DAPK2: variants seen among roughly 807,000 people sequenced by gnomAD.
DAPK2 encodes death associated protein kinase 2, also known as death-associated protein kinase 2.
DAPK2 carries 35 observed loss-of-function variants against 44.1 expected under a neutral mutation model. That is an observed-to-expected ratio of 0.79 (90% CI 0.61 to 1.05). DAPK2 has a LOEUF of 1.05. Ranked by LOEUF, DAPK2 falls within the 50% of genes least tolerant of loss-of-function variation. The pLI is 0.00. For synonymous variants in DAPK2, 174 were observed against 182.6 expected (o/e 0.95, Z 0.38); for missense variants, 453 against 483.2 (o/e 0.94, Z 0.59).
rs1370883463 is a variant in DAPK2 at position 63,912,686 on chromosome 15, C to T, written c.859-489G>A. Among the ~76,000 whole-genome samples, 3 of 152,324 alleles carry T rather than the reference C, an allele frequency of 2.0e-5. No homozygotes were observed. The highest frequency in any genetic ancestry group is 4.8e-5 in the African/African-American group (2 of 41,568). The stretch of plus-strand genomic sequence containing the variant: ...CAGGATGTGCAGTTGCTTTTCACAG[C>T]CTGGCAGTCAGAGCTCAGCTTAAAT... On this transcript the variant is annotated intron_variant, in intron 8 of 10. Transcript: ENST00000261891. The surrounding 1 kb of genome is among the most constrained non-coding windows in gnomAD (Gnocchi z 4.4).
At chr15:63,985,163 G>C (rs1567253019) in intron 1 of DAPK2, among the ~76,000 whole-genome samples, 3 of 151,862 alleles carry the variant, frequency 2.0e-5, no homozygotes. Flanking sequence ...TGGAGCTCTA[G>C]GGAAAGAGAA....
At chr15:63,964,452 C>T (rs1055601627) in intron 3 of DAPK2, among the ~76,000 whole-genome samples, 2 of 152,088 alleles carry the variant, frequency 1.3e-5, no homozygotes, top group Non-Finnish European at 2.9e-5. Context: ...GTTTAACCTT[C>T]TTTGTGTTCT....
In DAPK2 at chr15:63,980,400, T is replaced by C. The variant is rs1442559686; in HGVS notation, c.314+3133A>G. ...ATCAATTTATAGCTATAAAGATCAA[T>C]AAATAATGAAACACGTTTCAAAACA... On this transcript the variant is annotated intron_variant, in intron 2 of 10. Coordinates refer to ENST00000261891, the Ensembl canonical transcript of DAPK2. The surrounding 1 kb of genome is among the most constrained non-coding windows in gnomAD (Gnocchi z 4.3). 6.6e-6 allele frequency among the ~76,000 whole-genome samples: 1 copy of C among 152,168 alleles called. No homozygotes were observed.
At chr15:64,035,037 G>A (rs376166412) in intron 1 of DAPK2, among the ~76,000 whole-genome samples, 26 of 151,974 alleles carry the variant, frequency 1.7e-4, no homozygotes, top group African/African-American at 5.3e-4. Flanking sequence ...GCATGGTGGC[G>A]TGTGCCTGTA....
At chr15:64,043,928 C>T (rs1209017014), upstream of DAPK2, among the ~76,000 whole-genome samples, 1 of 152,200 alleles carries the variant, frequency 6.6e-6, no homozygotes, top group Non-Finnish European at 1.5e-5. Context: ...GTTCCCCAGC[C>T]TCCTTTCTCA....
intron 6 of DAPK2, chr15:63,928,600 G>A (rs1438664012): frequency 6.6e-6 from 1 of 152,110 alleles, no homozygotes; most frequent in African/African-American, 2.4e-5. Flanking sequence ...CACACCCATG[G>A]CAGGAAGTTT....
intron 3 of DAPK2, among the ~76,000 whole-genome samples, chr15:63,959,568 CTGTTGAATTT>C (rs900490072): frequency 1.3e-5 from 2 of 152,128 alleles, no homozygotes; most frequent in African/African-American, 4.8e-5. Context: ...GCATGAAGGG[CTGTTGAATTT>C]TGTTGAGGGC....
chr15:63,971,543 G>C (rs984542192), exon 3 of DAPK2: 3 of 1,614,144 alleles, frequency 1.9e-6, no homozygotes, highest in Non-Finnish European at 2.5e-6. Context: ...GGAAATCGAA[G>C]AGCTCTCCTC....
chr15:64,005,929 G>A (rs1445168834), intron 1 of DAPK2, among the ~76,000 whole-genome samples: 1 of 151,886 alleles, frequency 6.6e-6, no homozygotes, highest in Non-Finnish European at 1.5e-5. Flanking sequence ...AGCTACTTGG[G>A]AGGCTGAGGT....
At chr15:64,023,254 T>C (rs1159844941) in intron 1 of DAPK2, among the ~76,000 whole-genome samples, 1 of 152,160 alleles carries the variant, frequency 6.6e-6, no homozygotes, top group East Asian at 1.9e-4. Flanking sequence ...GGCAGGCTTC[T>C]GGGAGGAAGC....
At chr15:63,976,693 C>T (rs1031294214) in intron 2 of DAPK2, among the ~76,000 whole-genome samples, 2 of 152,100 alleles carry the variant, frequency 1.3e-5, no homozygotes, top group Non-Finnish European at 1.5e-5. Context: ...GAGTGAGAAT[C>T]GGTCTCAAAA....
At position 64,025,865 on chromosome 15, in the gene DAPK2, C is replaced by G. The variant is rs561147696; in HGVS notation, c.92+14305G>C. Among the ~76,000 whole-genome samples the G allele has an allele frequency of 6.6e-5, 10 of 152,238 alleles. No individual in the cohort carries two copies. The South Asian group carries it at 1.7e-3, about 25-fold the overall frequency. ...TATGGATATTGCGGGGGATGGATAA[C>G]ATTTTGCTTAATTGGGGTCTAAAGT... On this transcript the variant is annotated intron_variant, in intron 1 of 10. Coordinates refer to ENST00000261891, the Ensembl canonical transcript of DAPK2.
Position 64,046,201 on chromosome 15 carries a change from G to A in DAPK2, c.-7+97C>T, listed in dbSNP as rs1006081314. 1.0e-4 allele frequency: 43 copies of A among 422,910 alleles called. No individual in the cohort carries two copies. The highest frequency in any genetic ancestry group is 1.2e-4 in the Non-Finnish European group (39 of 315,114). The allele number at this position is 422,910 out of a possible 1,614,324, so 26.2% of individuals were successfully genotyped here. The stretch of plus-strand genomic sequence containing the variant: ...CCCGGGATCTGCGAGCGAGTGCCCC[G>A]GATCTCTTCGCCCCGCCAGCCCCAG... On this transcript the variant is annotated intron_variant, in intron 1 of 11. Transcript: ENST00000457488. The surrounding 1 kb of genome is among the most constrained non-coding windows in gnomAD (Gnocchi z 5.3).
At chr15:63,937,192 G>T (rs577514310) in intron 4 of DAPK2, among the ~76,000 whole-genome samples, 6 of 152,138 alleles carry the variant, frequency 3.9e-5, no homozygotes, top group African/African-American at 1.4e-4. Flanking sequence ...AGAGGTTGGA[G>T]AAGTCATCTT....
intron 3 of DAPK2, among the ~76,000 whole-genome samples, chr15:63,961,642 T>G (rs906735415): frequency 2.0e-5 from 3 of 152,260 alleles, no homozygotes; most frequent in African/African-American, 7.2e-5. Context: ...TTGAAAATTC[T>G]TTTCTTTAAG....
In DAPK2 at chr15:63,990,241, C is replaced by T. The variant is rs1167813481; in HGVS notation, c.93-6487G>A. Among the ~76,000 whole-genome samples the T allele has an allele frequency of 1.0e-5, 1 of 100,414 alleles. No individual in the cohort carries two copies. Among genetic ancestry groups the T allele is most frequent in the Non-Finnish European group, 2.5e-5 (1 of 39,280 alleles). The allele number at this position is 100,414 out of a possible 152,430, so 65.9% of individuals were successfully genotyped here. On this transcript the variant is annotated intron_variant, in intron 1 of 10. Transcript: ENST00000261891. This position sits in a 1 kb window ranked among gnomAD's most constrained non-coding sequence, Gnocchi z 4.3. ...TCAAGAGTTTGAGACCAGCCTGGGC[C>T]AACAGGACAAAACCCCATCTCTCCT... is the stretch of plus-strand genomic sequence containing the variant.
At chr15:63,960,139 C>T (rs2077848853) in intron 3 of DAPK2, among the ~76,000 whole-genome samples, 1 of 152,154 alleles carries the variant, frequency 6.6e-6, no homozygotes, top group Admixed American at 6.5e-5. Context: ...AATTTATTTG[C>T]GTAGAGGTGT....
rs141917292 is a variant in DAPK2 at position 63,989,046 on chromosome 15, G to C, written c.93-5292C>G. 3.7e-3 allele frequency among the ~76,000 whole-genome samples: 555 copies of C among 151,850 alleles called. 2 individuals carry two copies. The highest frequency in any genetic ancestry group is 0.013 in the African/African-American group (533 of 41,408). ...AATACAAAAATTAGCCAGGCATGGT[G>C]GTGCAAGCCTGTAATCCCAGCTACT... On this transcript the variant is annotated intron_variant, in intron 1 of 10. Coordinates refer to ENST00000261891, the Ensembl canonical transcript of DAPK2.
chr15:63,924,794 G>A (rs753128494), intron 8 of DAPK2, 22 bp downstream of exon 9: 1 of 1,614,018 alleles, frequency 6.2e-7, no homozygotes, highest in South Asian at 1.1e-5. Flanking sequence ...TTGCCCATTG[G>A]AACTCATGGC....
Sources: gnomAD v4.1 joint callset for allele counts (sites outside exome capture counted in the v4.1 genomes callset) on GRCh38, gnomAD v4.1.1 for gene constraint, Gnocchi (gnomAD v3.1) non-coding constraint, MANE v1.5 for transcripts, NCBI Gene and HGNC (gene_info 2026-07-23, HGNC 2026-07-21) for gene names.